Variants in MS4A4E observed in about 807,000 individuals in gnomAD.
The protein encoded by MS4A4E is membrane spanning 4-domains A4E, also known as putative membrane-spanning 4-domains subfamily A member 4E.
A neutral mutation model predicts 13.3 loss-of-function variants in MS4A4E; 23 were observed. The observed-to-expected ratio is 1.73, with a 90% confidence interval of 1.25 to 2.45. MS4A4E has a LOEUF of 2.45. Ranked by LOEUF, MS4A4E falls within the 30% of genes most tolerant of loss-of-function variation. MS4A4E has a pLI of 0.00. For synonymous variants in MS4A4E, 36 were observed against 45.6 expected (o/e 0.79, Z 0.85); for missense variants, 144 against 131.2 (o/e 1.10, Z -0.48).
At chr11:60,239,486 G>T (rs1384141613) in intron 1 of MS4A4E, among the ~76,000 whole-genome samples, 2 of 152,154 alleles carry the variant, frequency 1.3e-5, no homozygotes, top group African/African-American at 4.8e-5. Context: ...TGTCTTGGGG[G>T]AAGTGAAAAA....
In MS4A4E at chr11:60,214,615, C is replaced by T; in HGVS notation, c.179-1G>A. 1 of 1,518,860 alleles carries T rather than the reference C, an allele frequency of 6.6e-7. No homozygotes were observed. Among genetic ancestry groups the T allele is most frequent in the South Asian group, 1.2e-5 (1 of 80,660 alleles). 94.1% of individuals were successfully genotyped at this position (1,518,860 alleles called of 1,614,324 possible). A position where few individuals can be genotyped will look rare whatever the true frequency, so the allele number is the denominator to read the frequency against. On this transcript the variant is annotated splice_acceptor_variant, in intron 3 of 8. Transcript: ENST00000651255. LOFTEE classifies it high-confidence loss of function. ...ATTCCTGCTGCAACTGATAAGGATA[C>T]TGAAATAATAAAATAAGAATGAGAG...
rs149444452 is a variant in MS4A4E, at chr11:60,203,877, C to T, written c.659+1013G>A. 3.8e-3 allele frequency among the ~76,000 whole-genome samples: 584 copies of T among 152,234 alleles called. 4 individuals carry two copies. Among genetic ancestry groups the T allele is most frequent in the African/African-American group, 0.013 (528 of 41,556 alleles). On this transcript the variant is annotated intron_variant, in intron 8 of 8. Coordinates refer to ENST00000651255, the MANE Select transcript of MS4A4E (RefSeq NM_001393391.1). ...CACTTATAGATAGAACCTAGAATAA[C>T]CAAATAAAGAATAAATTTAAAATTG...
chr11:60,211,379 G>A (rs950992791), intron 5 of MS4A4E, among the ~76,000 whole-genome samples: 4 of 152,170 alleles, frequency 2.6e-5, no homozygotes, highest in Non-Finnish European at 5.9e-5. Flanking sequence ...CACCTCAAGC[G>A]GTTATTTTGG....
intron 1 of MS4A4E, among the ~76,000 whole-genome samples, chr11:60,236,893 C>T (rs554934151): frequency 4.5e-4 from 69 of 152,104 alleles, no homozygotes; most frequent in African/African-American, 1.6e-3. Context: ...TGCACCACCA[C>T]GCCCGGCTAA....
intron 3 of MS4A4E, chr11:60,225,086 C>A: frequency 6.5e-7 from 1 of 1,548,296 alleles, no homozygotes. Context: ...AATCAGAATC[C>A]GCACAACCTA....
Position 60,231,047 on chromosome 11 carries a change from A to G in MS4A4E, c.-16-976T>C, listed in dbSNP as rs553624965. 4.2e-4 allele frequency among the ~76,000 whole-genome samples: 64 copies of G among 152,292 alleles called. 1 individual carries two copies. The highest frequency in any genetic ancestry group is 1.7e-3 in the Admixed American group (26 of 15,300). On this transcript the variant is annotated intron_variant, in intron 1 of 8. Transcript: ENST00000651255. ...CAGAAAAAATTCAGATTTCTGTGGA[A>G]ATAATTGTCATCGTGTATTTATCTC...
intron 3 of MS4A4E, among the ~76,000 whole-genome samples, chr11:60,225,520 G>A (rs538267368): frequency 6.6e-6 from 1 of 152,300 alleles, no homozygotes; most frequent in East Asian, 1.9e-4. Context: ...ATGTTTTCTT[G>A]ACGTCTGGGC....
At chr11:60,224,887 A>G (rs1047527745) in intron 3 of MS4A4E, 10 of 1,203,284 alleles carry the variant, frequency 8.3e-6, no homozygotes, top group African/African-American at 3.0e-5. Flanking sequence ...AGATAGAATT[A>G]GAATAAAATT....
chr11:60,227,352 C>T (rs1234912014), intron 3 of MS4A4E, among the ~76,000 whole-genome samples: 1 of 152,078 alleles, frequency 6.6e-6, no homozygotes, highest in Non-Finnish European at 1.5e-5. Context: ...GAGATTGAGA[C>T]CATCCTGGCT....
chr11:60,240,192 T>A (rs1193014008), intron 1 of MS4A4E, among the ~76,000 whole-genome samples: 1 of 152,224 alleles, frequency 6.6e-6, no homozygotes, highest in African/African-American at 2.4e-5. Context: ...ACTGCAAATG[T>A]CCTTTCTTGG....
chr11:60,214,079 T>A (rs1224932205), intron 4 of MS4A4E, among the ~76,000 whole-genome samples: 3 of 152,088 alleles, frequency 2.0e-5, no homozygotes, highest in Admixed American at 1.3e-4. Context: ...AATTTTTTTG[T>A]ATTTTTAGTA....
At chr11:60,223,760 C>T (rs1280097804) in intron 3 of MS4A4E, among the ~76,000 whole-genome samples, 1 of 152,134 alleles carries the variant, frequency 6.6e-6, no homozygotes, top group East Asian at 1.9e-4. Flanking sequence ...ATGTTTCCTA[C>T]CCTCAAACAT....
At position 60,222,721 on chromosome 11, in the gene MS4A4E, G is replaced by A. The variant is rs188872544; in HGVS notation, c.178+5873C>T. On this transcript the variant is annotated intron_variant, in intron 3 of 8. Transcript: ENST00000651255. The stretch of plus-strand genomic sequence containing the variant: ...TTCCAGAGGAAGGAACGTTGCCACC[G>A]GGAGACAACAATGATTTCATTAAGC... 2.3e-4 allele frequency among the ~76,000 whole-genome samples: 35 copies of A among 152,176 alleles called. 1 individual carries two copies. In the East Asian group the frequency reaches 6.0e-3, roughly 26 times the overall value.
rs1007924670 is a variant in MS4A4E at position 60,219,832 on chromosome 11, T to C, written c.179-5218A>G. Among the ~76,000 whole-genome samples, 6 of 152,206 alleles carry C rather than the reference T, an allele frequency of 3.9e-5. 1 individual carries two copies. Among genetic ancestry groups the C allele is most frequent in the Non-Finnish European group, 7.3e-5 (5 of 68,034 alleles). ...TGATTCCAGGGGACCCAAAAAGTCATTGTGATCCTCCAGTTATAGTAGGGG... is the reference window on the plus strand; with the variant it reads ...TGATTCCAGGGGACCCAAAAAGTCACTGTGATCCTCCAGTTATAGTAGGGG... On this transcript the variant is annotated intron_variant, in intron 3 of 8. Transcript: ENST00000651255.
rs1480813880 is a variant in MS4A4E at position 60,200,582 on chromosome 11, T to A, written c.*961A>T. Among the ~76,000 whole-genome samples, 1 of 152,152 alleles carries A rather than the reference T, an allele frequency of 6.6e-6. No individual in the cohort carries two copies. Among genetic ancestry groups the A allele is most frequent in the Non-Finnish European group, 1.5e-5 (1 of 68,012 alleles). On this transcript the variant is annotated 3_prime_UTR_variant, in exon 9 of 9. Transcript: ENST00000651255. ...TTTAACCCTGAGTGGACACAGCACA[T>A]GTTTCAGAGAGCACAGGGTTGGGGG...
intron 1 of MS4A4E, among the ~76,000 whole-genome samples, chr11:60,234,587 T>C (rs2084456295): frequency 6.8e-6 from 1 of 147,126 alleles, no homozygotes; most frequent in South Asian, 2.1e-4. Context: ...TCTTTTTCCA[T>C]GGGATCACCC....
chr11:60,232,896 T>G (rs942014502), intron 1 of MS4A4E, among the ~76,000 whole-genome samples: 5 of 152,178 alleles, frequency 3.3e-5, no homozygotes, highest in Admixed American at 6.5e-5. Context: ...CCCATGGAAC[T>G]GCTCCATGCC....
intron 3 of MS4A4E, among the ~76,000 whole-genome samples, chr11:60,220,786 A>G (rs1277171310): frequency 6.6e-6 from 1 of 152,132 alleles, no homozygotes; most frequent in Admixed American, 6.5e-5. Context: ...ACCCCCTACA[A>G]CCAAGAAAGA....
intron 6 of MS4A4E, among the ~76,000 whole-genome samples, chr11:60,206,934 T>C (rs1441295652): frequency 6.6e-6 from 1 of 152,176 alleles, no homozygotes; most frequent in Non-Finnish European, 1.5e-5. Flanking sequence ...TGATAGCTCT[T>C]GACCTGAGCT....
Sources: allele counts gnomAD v4.1 joint callset (sites outside exome capture counted in the v4.1 genomes callset), GRCh38; gene constraint gnomAD v4.1.1; transcripts MANE v1.5; gene names NCBI Gene and HGNC (gene_info 2026-07-23, HGNC 2026-07-21).